Variants in FADS2 observed in about 807,000 individuals in gnomAD.
FADS2 encodes the protein fatty acid desaturase 2, also known as acyl-CoA 6-desaturase.
In FADS2, 18 loss-of-function variants were observed where a neutral mutation model predicts 61.2. The observed-to-expected ratio is 0.29, with a 90% CI of 0.20 to 0.44. FADS2 has a LOEUF of 0.44. Ranked by LOEUF, FADS2 falls within the 20% of genes least tolerant of loss-of-function variation. The probability of loss-of-function intolerance (pLI) is 1.00; values close to 1 mark genes in which losing one functional copy is unlikely to be tolerated. For synonymous variants in FADS2, 203 were observed against 223.9 expected, an observed-to-expected ratio of 0.91 and a Z score of 0.83; for missense variants, 322 against 572.7, an observed-to-expected ratio of 0.56 and a Z score of 4.47.
At chr11:61,833,716 T>C (rs2067148038) in intron 1 of FADS2, among the ~76,000 whole-genome samples, 1 of 152,230 alleles carries the variant, frequency 6.6e-6, no homozygotes, top group South Asian at 2.1e-4. Flanking sequence ...GTGGCAGCTG[T>C]AGCAACCACC....
intron 1 of FADS2, among the ~76,000 whole-genome samples, chr11:61,819,027 C>A (rs1006661807): frequency 5.3e-5 from 8 of 152,000 alleles, no homozygotes; most frequent in African/African-American, 1.9e-4. Context: ...CCCGCCACCA[C>A]GCCCAGCTAA....
At chr11:61,862,656 C>A in intron 7 of FADS2, 1 of 350,760 alleles carries the variant, frequency 2.9e-6, no homozygotes, top group Non-Finnish European at 5.3e-6. Context: ...CCTTCAGAAT[C>A]GCCCTTGCCC....
At chr11:61,857,396 C>G (rs552445033) in intron 6 of FADS2, 58 bp from the exon 7 acceptor site, 4 of 1,518,918 alleles carry the variant, frequency 2.6e-6, no homozygotes, top group South Asian at 2.2e-5. Flanking sequence ...GTTCCCCTGA[C>G]CTTCCGGCAC....
chr11:61,826,749 G>T (rs1271611028), upstream of FADS2, among the ~76,000 whole-genome samples: 1 of 152,132 alleles, frequency 6.6e-6, no homozygotes, highest in South Asian at 2.1e-4. Context: ...GATGGGAGAG[G>T]TTGGGGACTG....
At chr11:61,851,473 C>T (rs1294553908) in intron 5 of FADS2, among the ~76,000 whole-genome samples, 2 of 152,220 alleles carry the variant, frequency 1.3e-5, no homozygotes, top group African/African-American at 4.8e-5. Context: ...CTGTGGAAAT[C>T]CCCGCTCTCA....
chr11:61,853,091 G>C (rs1325041133), intron 5 of FADS2, among the ~76,000 whole-genome samples: 1 of 152,120 alleles, frequency 6.6e-6, no homozygotes, highest in African/African-American at 2.4e-5. Flanking sequence ...GGAGGCGGAG[G>C]TTGCAGTGAG....
intron 7 of FADS2, among the ~76,000 whole-genome samples, chr11:61,858,735 G>A (rs752205948): frequency 8.6e-5 from 13 of 151,888 alleles, no homozygotes; most frequent in African/African-American, 2.7e-4. Context: ...ACAGGCGCCG[G>A]CCACCATGCC....
At position 61,840,671 on chromosome 11, in the gene FADS2, C is replaced by T. The variant is rs774419592; in HGVS notation, c.564C>T (p.Tyr188=). The T allele has an allele frequency of 3.7e-6, 6 of 1,614,218 alleles. No homozygotes were observed. In the East Asian group the frequency reaches 8.9e-5, roughly 24 times the overall value. ...LQHDYGHLSV[Y]RKPKWNHLVH... is the part of the protein sequence containing the mutation. ...ATGATTATGGCCACCTGTCTGTCTA[C>T]AGAAAACCCAAGTGGAACCACCTTG... The change falls in exon 4 of 12, where the codon TAC becomes TAT. Residue 188 remains tyrosine (Y), a synonymous_variant. Transcript: ENST00000278840.
At chr11:61,856,767 G>A (rs2067362883) in intron 5 of FADS2, 3 of 526,782 alleles carry the variant, frequency 5.7e-6, no homozygotes, top group Non-Finnish European at 6.8e-6. Context: ...GTAGAGGATC[G>A]ATGCCATCGG....
chr11:61,834,720 A>G (rs2067156589), intron 1 of FADS2, among the ~76,000 whole-genome samples: 1 of 152,134 alleles, frequency 6.6e-6, no homozygotes, highest in African/African-American at 2.4e-5. Flanking sequence ...CTTCTCAGGA[A>G]ACTGCCTTAC....
chr11:61,824,411 AG>A (rs1565325069), upstream of FADS2, among the ~76,000 whole-genome samples: 1 of 8,654 alleles, frequency 1.2e-4, no homozygotes, highest in Non-Finnish European at 3.4e-4. Flanking sequence ...AGAGAGAGAG[AG>A]AGAGAGAGAG....
At chr11:61,823,172 A>C (rs1165403529) in intron 1 of FADS2, among the ~76,000 whole-genome samples, 3 of 152,242 alleles carry the variant, frequency 2.0e-5, no homozygotes, top group African/African-American at 7.2e-5. Context: ...GCAACGAAGC[A>C]CTAGACTCTG....
intron 5 of FADS2, among the ~76,000 whole-genome samples, chr11:61,850,179 A>G (rs2067293603): frequency 6.6e-6 from 1 of 152,200 alleles, no homozygotes; most frequent in South Asian, 2.1e-4. Context: ...CTTCTGAACC[A>G]TAACAGGACC....
Position 61,865,002 on chromosome 11 carries a change from C to A in FADS2, c.1158-150C>A. 1.1e-6 allele frequency: 1 copy of A among 896,904 alleles called. No individual in the cohort carries two copies. Among genetic ancestry groups the A allele is most frequent in the Non-Finnish European group, 1.7e-6 (1 of 588,848 alleles). 55.6% of individuals were successfully genotyped at this position (896,904 alleles called of 1,614,324 possible). On this transcript the variant is annotated intron_variant, in intron 10 of 11. Coordinates refer to ENST00000278840, the MANE Select transcript of FADS2 (RefSeq NM_004265.4). This position sits in a 1 kb window ranked among gnomAD's most constrained non-coding sequence, Gnocchi z 4.1. ...TCCACACACGTGGCACCCCACTGGG[C>A]ACACACGAGGAGCCACACTTTGAGA...
At position 61,844,663 on chromosome 11, in the gene FADS2, C is replaced by T. The variant is rs144415458; in HGVS notation, c.619-3496C>T. On this transcript the variant is annotated intron_variant, in intron 4 of 11. Coordinates refer to ENST00000278840, the MANE Select transcript of FADS2 (RefSeq NM_004265.4). ...AAATGAGGCCAGGCGCGGTGGCTCA[C>T]GCCTGTAATCCCAGCACTTTGGGAG... Among the ~76,000 whole-genome samples the T allele has an allele frequency of 7.4e-3, 1,123 of 151,214 alleles. 18 individuals are homozygous for T. The highest frequency in any genetic ancestry group is 0.026 in the African/African-American group (1,073 of 41,256).
At chr11:61,854,156 C>T (rs1002874595) in intron 5 of FADS2, 1 of 152,376 alleles carries the variant, frequency 6.6e-6, no homozygotes, top group African/African-American at 2.4e-5. Flanking sequence ...AGTCATGTGT[C>T]TTCCTTGCCT....
intron 1 of FADS2, among the ~76,000 whole-genome samples, chr11:61,821,969 CA>C (rs1472191128): frequency 6.7e-6 from 1 of 150,168 alleles, no homozygotes; most frequent in African/African-American, 2.4e-5. Context: ...TTCCTTAATG[CA>C]GTCTTTTTTT....
chr11:61,857,827 C>T (rs2067376215), intron 7 of FADS2, among the ~76,000 whole-genome samples: 1 of 152,162 alleles, frequency 6.6e-6, no homozygotes, highest in East Asian at 1.9e-4. Context: ...TGGCCATCTC[C>T]CTTCCCCGCT....
chr11:61,830,546 A>G (rs1205578791), intron 1 of FADS2, among the ~76,000 whole-genome samples: 1 of 152,194 alleles, frequency 6.6e-6, no homozygotes, highest in Non-Finnish European at 1.5e-5. Flanking sequence ...TAAAAATGTA[A>G]TAGTCTCGTC....
Sources: allele counts gnomAD v4.1 joint callset (sites outside exome capture counted in the v4.1 genomes callset), GRCh38; gene constraint gnomAD v4.1.1; non-coding constraint Gnocchi (gnomAD v3.1); transcripts MANE v1.5; gene names NCBI Gene and HGNC (gene_info 2026-07-23, HGNC 2026-07-21).